The following CTNND2 variants were observed in gnomAD, a reference collection of about 807,000 sequenced individuals.
The protein encoded by CTNND2 is catenin delta 2, also known as catenin delta-2.
Under a neutral mutation model 144.4 loss-of-function variants are expected in CTNND2, and 22 were observed. The observed-to-expected ratio is 0.15, with a 90% CI of 0.11 to 0.22. The LOEUF is 0.22. CTNND2 is among the 10% of genes least tolerant of loss of function. The probability of loss-of-function intolerance (pLI) is 1.00; values close to 1 mark genes in which losing one functional copy is unlikely to be tolerated. For missense variants in CTNND2, 1,353 were observed against 1,618.8 expected (o/e 0.84, Z 2.82); for synonymous variants, 751 against 695.6 (o/e 1.08, Z -1.25).
chr5:11,589,888 A>G (rs577533233), intron 2 of CTNND2, among the ~76,000 whole-genome samples: 5 of 152,326 alleles, frequency 3.3e-5, no homozygotes, highest in East Asian at 3.9e-4. Flanking sequence ...CTGCAGAAGT[A>G]CTTTCTTCAA....
At chr5:11,672,913 G>A (rs1423959921) in intron 2 of CTNND2, among the ~76,000 whole-genome samples, 2 of 152,024 alleles carry the variant, frequency 1.3e-5, no homozygotes, top group Non-Finnish European at 2.9e-5. Context: ...ACCCTGCTTC[G>A]GCTCACCCTC....
intron 9 of CTNND2, among the ~76,000 whole-genome samples, chr5:11,285,851 G>A (rs1747667477): frequency 1.5e-5 from 1 of 66,076 alleles, no homozygotes; most frequent in African/African-American, 5.8e-5. Flanking sequence ...GGAACTGAGG[G>A]AGAGTGCACA....
At chr5:11,260,971 AG>A (rs1404271375) in intron 9 of CTNND2, among the ~76,000 whole-genome samples, 1 of 152,118 alleles carries the variant, frequency 6.6e-6, no homozygotes, top group African/African-American at 2.4e-5. Context: ...AGGACTCTCA[AG>A]GTTTTAGCTG....
chr5:11,813,067 G>C (rs534973902), intron 1 of CTNND2, among the ~76,000 whole-genome samples: 3 of 152,294 alleles, frequency 2.0e-5, no homozygotes, highest in Non-Finnish European at 4.4e-5. Context: ...TTCAGTCAAT[G>C]ATGGACCGCA....
rs184570402 is a variant in CTNND2 at position 11,670,054 on chromosome 5, G to A, written c.174+62082C>T. Among the ~76,000 whole-genome samples the A allele has an allele frequency of 3.3e-5, 5 of 152,258 alleles. No individual in the cohort carries two copies. The East Asian group carries it at 5.8e-4, about 18-fold the overall frequency. The stretch of plus-strand genomic sequence containing the variant: ...GGTTGTTCAGTTTCCATGTAGTTAC[G>A]TGGTTTTGAGTGAGTTTCTTAATCC... On this transcript the variant is annotated intron_variant, in intron 2 of 21. Coordinates refer to ENST00000304623, the MANE Select transcript of CTNND2 (RefSeq NM_001332.4).
chr5:11,852,137 T>C (rs747879825), intron 1 of CTNND2, among the ~76,000 whole-genome samples: 6 of 152,144 alleles, frequency 3.9e-5, no homozygotes, highest in African/African-American at 1.2e-4. Flanking sequence ...TTCCATCTGA[T>C]ATTTCCCAGC....
At chr5:11,693,794 T>C (rs1429526462) in intron 2 of CTNND2, among the ~76,000 whole-genome samples, 1 of 152,216 alleles carries the variant, frequency 6.6e-6, no homozygotes, top group Non-Finnish European at 1.5e-5. Flanking sequence ...TTTTGTTCTA[T>C]AAAGTCAATG....
rs1746288683 is a variant in CTNND2, at chr5:11,274,134, C to T, written c.1629-37311G>A. 3.3e-5 allele frequency among the ~76,000 whole-genome samples: 5 copies of T among 152,332 alleles called. No individual in the cohort carries two copies. The South Asian group carries it at 1.0e-3, about 32-fold the overall frequency. On this transcript the variant is annotated intron_variant, in intron 9 of 21. Coordinates refer to ENST00000304623, the MANE Select transcript of CTNND2 (RefSeq NM_001332.4). ...CAGTCCACGCCGCCAACATTCATCACTTGTTCTCATTCTAACTAGGGGCTG... is the reference window on the plus strand; with the variant it reads ...CAGTCCACGCCGCCAACATTCATCATTTGTTCTCATTCTAACTAGGGGCTG...
At chr5:11,311,485 T>A (rs1348275243) in intron 9 of CTNND2, among the ~76,000 whole-genome samples, 2 of 140,530 alleles carry the variant, frequency 1.4e-5, no homozygotes, top group African/African-American at 5.4e-5. Context: ...CACATGTACA[T>A]ATGCTCTCAC....
intron 3 of CTNND2, among the ~76,000 whole-genome samples, chr5:11,539,732 C>T (rs866017662): frequency 5.3e-5 from 8 of 152,314 alleles, no homozygotes; most frequent in Middle Eastern, 6.8e-3. Flanking sequence ...CCACCTGAAA[C>T]ATTTAAAATT....
chr5:10,974,311 T>C (rs868773646), intron 21 of CTNND2, among the ~76,000 whole-genome samples: 12 of 152,210 alleles, frequency 7.9e-5, no homozygotes, highest in Middle Eastern at 3.2e-3. Flanking sequence ...ATGATGTGCA[T>C]TGCTCCACTG....
chr5:11,132,706 A>C (rs775020657), intron 12 of CTNND2, among the ~76,000 whole-genome samples: 1 of 152,174 alleles, frequency 6.6e-6, no homozygotes, highest in Non-Finnish European at 1.5e-5. Flanking sequence ...CTGGAAACCA[A>C]CTCCTTAATT....
chr5:11,521,348 T>C (rs1256808643), intron 3 of CTNND2, among the ~76,000 whole-genome samples: 3 of 152,350 alleles, frequency 2.0e-5, no homozygotes, highest in Middle Eastern at 3.4e-3. Context: ...GCAAATTATT[T>C]AATCTATTTT....
intron 1 of CTNND2, among the ~76,000 whole-genome samples, chr5:11,828,338 T>C (rs1038121665): frequency 2.0e-5 from 3 of 152,106 alleles, no homozygotes; most frequent in African/African-American, 7.2e-5. Flanking sequence ...GAGACCAGCC[T>C]GGCCAACATG....
chr5:11,582,489 T>C (rs545493602), intron 2 of CTNND2, among the ~76,000 whole-genome samples: 4 of 152,288 alleles, frequency 2.6e-5, no homozygotes, highest in African/African-American at 7.2e-5. Flanking sequence ...TGGCACCACA[T>C]AAATGCTGGC....
At chr5:11,665,401 C>T (rs1445199259) in intron 2 of CTNND2, among the ~76,000 whole-genome samples, 3 of 152,126 alleles carry the variant, frequency 2.0e-5, no homozygotes, top group Non-Finnish European at 2.9e-5. Flanking sequence ...TCTAGCTTTA[C>T]CATATAGCAA....
At chr5:11,754,425 T>A (rs562999800) in intron 1 of CTNND2, among the ~76,000 whole-genome samples, 40 of 142,826 alleles carry the variant, frequency 2.8e-4, no homozygotes, top group Non-Finnish European at 2.9e-4. Flanking sequence ...GTTGTGGTTT[T>A]TTGGGGGAGG....
intron 10 of CTNND2, among the ~76,000 whole-genome samples, chr5:11,202,478 A>G (rs1219837319): frequency 1.3e-5 from 2 of 152,216 alleles, no homozygotes; most frequent in East Asian, 1.9e-4. Context: ...TGGGGTCACC[A>G]GATCCTCTAT....
chr5:11,497,739 G>T (rs1770111967), intron 3 of CTNND2, among the ~76,000 whole-genome samples: 1 of 151,886 alleles, frequency 6.6e-6, no homozygotes, highest in African/African-American at 2.4e-5. Flanking sequence ...TCATAAATTG[G>T]GCAAGAAAAA....
Sources: allele counts gnomAD v4.1 joint callset (sites outside exome capture counted in the v4.1 genomes callset), GRCh38; gene constraint gnomAD v4.1.1; transcripts MANE v1.5; gene names NCBI Gene and HGNC (gene_info 2026-07-23, HGNC 2026-07-21).